Variants in LTBP1 observed in about 807,000 individuals in gnomAD.
LTBP1 encodes the protein latent-transforming growth factor beta-binding protein 1.
LTBP1 carries 129 observed loss-of-function variants against 207.6 expected under a neutral mutation model. The ratio of observed to expected loss-of-function variants is 0.62; its 90% confidence interval spans 0.54 to 0.72. The LOEUF (loss-of-function observed/expected upper bound fraction) is 0.72, where lower values mean the gene tolerates loss of function less well. Ranked by LOEUF, LTBP1 falls within the 30% of genes least tolerant of loss-of-function variation. The pLI is 0.00. For synonymous variants in LTBP1, 963 were observed against 833.7 expected, an observed-to-expected ratio of 1.16 and a Z score of -2.67; for missense variants, 2,281 against 2,217.2, an observed-to-expected ratio of 1.03 and a Z score of -0.58.
chr2:33,188,062 A>T (rs1016386254), intron 6 of LTBP1, among the ~76,000 whole-genome samples: 1 of 152,212 alleles, frequency 6.6e-6, no homozygotes, highest in Non-Finnish European at 1.5e-5. Flanking sequence ...ATTTCTCTCT[A>T]TAATTGCAAA....
chr2:33,148,980 C>A (rs2083277759), intron 5 of LTBP1, among the ~76,000 whole-genome samples: 1 of 151,774 alleles, frequency 6.6e-6, no homozygotes, highest in Admixed American at 6.6e-5. Flanking sequence ...TTTGGGAGGC[C>A]GAGGTAGGCG....
At chr2:33,144,860 A>AATTAATTTG (rs531293670) in intron 5 of LTBP1, among the ~76,000 whole-genome samples, 193 of 152,250 alleles carry the variant, frequency 1.3e-3, no homozygotes, top group African/African-American at 4.5e-3. Flanking sequence ...GAGAAAGAAT[A>AATTAATTTG]ATTAATTTGT....
chr2:32,988,891 G>A (rs1683994220), intron 2 of LTBP1, among the ~76,000 whole-genome samples: 1 of 152,068 alleles, frequency 6.6e-6, no homozygotes, highest in African/African-American at 2.4e-5. Flanking sequence ...TCCTGTCTTT[G>A]TTTTGGGTAA....
intron 22 of LTBP1, among the ~76,000 whole-genome samples, chr2:33,306,396 C>T (rs2094094922): frequency 6.6e-6 from 1 of 151,956 alleles, no homozygotes; most frequent in Admixed American, 6.6e-5. Flanking sequence ...ATGGTAAAAC[C>T]CCATCTCTAC....
chr2:33,377,906 C>G (rs1193293905), intron 31 of LTBP1, among the ~76,000 whole-genome samples: 3 of 152,152 alleles, frequency 2.0e-5, no homozygotes, highest in African/African-American at 4.8e-5. Flanking sequence ...TGAGAACTCC[C>G]TCACTATCAT....
At chr2:33,056,331 A>G (rs2076998594) in intron 3 of LTBP1, 1 of 1,189,114 alleles carries the variant, frequency 8.4e-7, no homozygotes. Flanking sequence ...TTTTGTTTGC[A>G]TTTATTTGCT....
At chr2:33,230,296 C>G (rs10184897) in intron 9 of LTBP1, among the ~76,000 whole-genome samples, 2,950 of 152,248 alleles carry the variant, frequency 0.019, 106 homozygotes, top group African/African-American at 0.067. Flanking sequence ...CTAATGTGCA[C>G]TCAGTAACAA....
chr2:33,325,116 A>G (rs1283622306), intron 24 of LTBP1, among the ~76,000 whole-genome samples: 3 of 152,174 alleles, frequency 2.0e-5, no homozygotes, highest in African/African-American at 4.8e-5. Context: ...AGAGTTTCAT[A>G]TGACTCTTTT....
At chr2:33,033,614 CT>C (rs36113954) in intron 3 of LTBP1, among the ~76,000 whole-genome samples, 530 of 137,848 alleles carry the variant, frequency 3.8e-3, no homozygotes, top group African/African-American at 5.5e-3. Flanking sequence ...AAAAAAGGGA[CT>C]TTTTTTTTTT....
intron 3 of LTBP1, among the ~76,000 whole-genome samples, chr2:33,071,893 T>C (rs937029966): frequency 6.6e-6 from 1 of 152,212 alleles, no homozygotes; most frequent in African/African-American, 2.4e-5. Flanking sequence ...TGACACCGGA[T>C]GTGTGGGGAT....
chr2:33,293,995 CTTTTTTT>C (rs71409607), intron 20 of LTBP1, among the ~76,000 whole-genome samples: 1 of 48,808 alleles, frequency 2.0e-5, no homozygotes, highest in Non-Finnish European at 3.7e-5. Context: ...TGGTACAGGT[CTTTTTTT>C]TTTTTTTTTT....
intron 3 of LTBP1, among the ~76,000 whole-genome samples, chr2:33,073,205 T>A (rs562716601): frequency 2.2e-4 from 33 of 152,306 alleles, no homozygotes; most frequent in African/African-American, 7.5e-4. Context: ...AGACATTTTT[T>A]ACCATGAAGG....
chr2:33,067,488 G>A (rs2077572026), intron 3 of LTBP1, among the ~76,000 whole-genome samples: 2 of 152,158 alleles, frequency 1.3e-5, no homozygotes, highest in South Asian at 4.1e-4. Context: ...ACTAAGTACT[G>A]TTGACCTTCC....
At chr2:33,325,726 A>G (rs951075553) in intron 24 of LTBP1, among the ~76,000 whole-genome samples, 1 of 152,232 alleles carries the variant, frequency 6.6e-6, no homozygotes, top group African/African-American at 2.4e-5. Flanking sequence ...TTTTCCCTTA[A>G]TACCTAAAGA....
intron 7 of LTBP1, 81 bp from the exon 8 acceptor site, chr2:33,217,471 T>C: frequency 1.1e-6 from 1 of 880,702 alleles, no homozygotes. Context: ...GTTTATAGCG[T>C]GGCTGTGAGG....
At chr2:33,228,716 T>TTTTTTTTTTTTTTTTTTTTTTTA (rs1339282755) in intron 9 of LTBP1, among the ~76,000 whole-genome samples, 1 of 143,658 alleles carries the variant, frequency 7.0e-6, no homozygotes, top group Admixed American at 7.1e-5. Context: ...TTTTTTTTTT[T>TTTTTTTTTTTTTTTTTTTTTTTA]TTGAGATGGA....
At chr2:33,301,680 C>T in intron 22 of LTBP1, 36 bp downstream of exon 22, 1 of 1,529,872 alleles carries the variant, frequency 6.5e-7, no homozygotes, top group Non-Finnish European at 8.8e-7. Context: ...TCATAAAATG[C>T]CCAGATCGGA....
chr2:33,166,067 G>GTT (rs143905437), intron 5 of LTBP1, among the ~76,000 whole-genome samples: 55 of 140,856 alleles, frequency 3.9e-4, no homozygotes, highest in African/African-American at 1.3e-3. Flanking sequence ...AGTAATGTAT[G>GTT]TTTTTTTTTT....
intron 3 of LTBP1, among the ~76,000 whole-genome samples, chr2:33,103,586 CGTGTGTGTGTGTGT>C (rs71407500): frequency 1.7e-5 from 2 of 118,144 alleles, no homozygotes; most frequent in African/African-American, 6.0e-5. Context: ...TCTCCGTTTA[CGTGTGTGTGTGTGT>C]GTGTGTGTGT....
Sources: allele counts gnomAD v4.1 joint callset (sites outside exome capture counted in the v4.1 genomes callset), GRCh38; gene constraint gnomAD v4.1.1; transcripts MANE v1.5; gene names NCBI Gene and HGNC (gene_info 2026-07-23, HGNC 2026-07-21).